Variants in FSTL4 observed in about 807,000 individuals in gnomAD.
FSTL4 encodes follistatin-related protein 4.
Under a neutral mutation model 78.2 loss-of-function variants are expected in FSTL4, and 28 were observed. That is an observed-to-expected ratio of 0.36 (90% confidence interval 0.27 to 0.49). FSTL4 has a LOEUF of 0.49. FSTL4 is among the 20% of genes least tolerant of loss of function. FSTL4 has a pLI of 0.98. For synonymous variants in FSTL4, 422 were observed against 440.5 expected, an observed-to-expected ratio of 0.96 and a Z score of 0.53; for missense variants, 922 against 1,084.9, an observed-to-expected ratio of 0.85 and a Z score of 2.11.
chr5:133,774,508 T>C, the FSTL4 span, among the ~76,000 whole-genome samples: 3 of 152,156 alleles, frequency 2.0e-5, no homozygotes, highest in Non-Finnish European at 2.9e-5. Flanking sequence ...TTAAGAAACA[T>C]TGTGCTAAGG....
At chr5:133,694,093 G>A in the FSTL4 span, among the ~76,000 whole-genome samples, 1 of 152,202 alleles carries the variant, frequency 6.6e-6, no homozygotes, top group South Asian at 2.1e-4. Context: ...AATTCTATGT[G>A]GAGGTGCAAA....
chr5:133,554,730 A>G (rs1759754715), intron 3 of FSTL4, among the ~76,000 whole-genome samples: 1 of 152,236 alleles, frequency 6.6e-6, no homozygotes. Flanking sequence ...GCATTCATTC[A>G]TTCATTCAAA....
chr5:133,595,045 T>G (rs533267423), intron 2 of FSTL4, among the ~76,000 whole-genome samples: 2 of 152,348 alleles, frequency 1.3e-5, no homozygotes, highest in South Asian at 4.1e-4. Flanking sequence ...AAACAAAGCA[T>G]CCTGCATTTG....
At chr5:133,810,472 G>A in the FSTL4 span, among the ~76,000 whole-genome samples, 472 of 152,268 alleles carry the variant, frequency 3.1e-3, 2 homozygotes, top group African/African-American at 0.011. Flanking sequence ...AAGGTCCATT[G>A]TCTCATGCCA....
the FSTL4 span, among the ~76,000 whole-genome samples, chr5:133,665,311 C>T: frequency 2.3e-3 from 357 of 152,308 alleles, no homozygotes; most frequent in Non-Finnish European, 3.4e-3. Context: ...GGCCATGTTC[C>T]ATGGTGACCA....
At chr5:133,457,147 T>G (rs900207492) in intron 3 of FSTL4, among the ~76,000 whole-genome samples, 2 of 152,030 alleles carry the variant, frequency 1.3e-5, no homozygotes, top group Non-Finnish European at 2.9e-5. Context: ...AAAAGAAAGC[T>G]AAGAGAAGGA....
chr5:133,406,219 G>A (rs2126975991), intron 3 of FSTL4, among the ~76,000 whole-genome samples: 1 of 152,326 alleles, frequency 6.6e-6, no homozygotes, highest in African/African-American at 2.4e-5. Flanking sequence ...AGAGAGTGGA[G>A]CACCCTTGGG....
chr5:133,841,384 C>A, the FSTL4 span, among the ~76,000 whole-genome samples: 2 of 152,220 alleles, frequency 1.3e-5, no homozygotes, highest in Non-Finnish European at 2.9e-5. Flanking sequence ...GGTATCACCG[C>A]ACCCAGCACC....
rs190162674 is a variant in FSTL4 at position 133,279,154 on chromosome 5, G to A, written c.728-29578C>T. Among the ~76,000 whole-genome samples, 213 of 152,340 alleles carry A rather than the reference G, an allele frequency of 1.4e-3. 1 individual carries two copies. The highest frequency in any genetic ancestry group is 4.9e-3 in the African/African-American group (204 of 41,580). ...CTGTACTCCTAGTGCCCTAGACCAG[G>A]GGTTCCCAATCTCTAGGCCGTGGAT... is the stretch of plus-strand genomic sequence containing the variant. On this transcript the variant is annotated intron_variant, in intron 6 of 15. Transcript: ENST00000265342.
chr5:133,528,143 G>GT (rs532373515), intron 3 of FSTL4, among the ~76,000 whole-genome samples: 236 of 152,244 alleles, frequency 1.6e-3, no homozygotes, highest in African/African-American at 5.2e-3. Flanking sequence ...TGCTGTTTCC[G>GT]TAACAATTTC....
intron 7 of FSTL4, among the ~76,000 whole-genome samples, chr5:133,248,979 AC>A (rs1265877324): frequency 6.6e-6 from 1 of 152,040 alleles, no homozygotes; most frequent in Non-Finnish European, 1.5e-5. Flanking sequence ...TCTACAGCCT[AC>A]CCAGCACTAG....
At chr5:133,546,324 G>A (rs1040284963) in intron 3 of FSTL4, among the ~76,000 whole-genome samples, 8 of 152,014 alleles carry the variant, frequency 5.3e-5, no homozygotes, top group Non-Finnish European at 8.8e-5. Flanking sequence ...CTGGCCACAC[G>A]GTGAAACCCC....
chr5:133,407,816 T>C (rs560223056), intron 3 of FSTL4, among the ~76,000 whole-genome samples: 52 of 152,354 alleles, frequency 3.4e-4, no homozygotes, highest in South Asian at 8.3e-4. Context: ...CAAAGCATAC[T>C]TTTCAAAAAC....
At chr5:133,284,037 C>T (rs926026869) in intron 6 of FSTL4, among the ~76,000 whole-genome samples, 2 of 152,208 alleles carry the variant, frequency 1.3e-5, no homozygotes, top group African/African-American at 2.4e-5. Context: ...GATCCAATCA[C>T]CTCCCATCAG....
intron 3 of FSTL4, among the ~76,000 whole-genome samples, chr5:133,528,583 C>G (rs1759184868): frequency 6.6e-6 from 1 of 152,162 alleles, no homozygotes; most frequent in Non-Finnish European, 1.5e-5. Context: ...ACATCCCTAG[C>G]ACCCAGGGCA....
the FSTL4 span, among the ~76,000 whole-genome samples, chr5:133,824,874 C>CCA: frequency 6.6e-6 from 1 of 152,040 alleles, no homozygotes; most frequent in Non-Finnish European, 1.5e-5. Context: ...TCCAGGACTC[C>CCA]CACCAAGACA....
intron 4 of FSTL4, among the ~76,000 whole-genome samples, chr5:133,363,287 T>C (rs773434950): frequency 2.0e-5 from 3 of 152,172 alleles, no homozygotes; most frequent in Non-Finnish European, 4.4e-5. Flanking sequence ...CACATTTCCA[T>C]GAGTGGGGGT....
intron 3 of FSTL4, among the ~76,000 whole-genome samples, chr5:133,512,550 A>T (rs17166740): frequency 0.026 from 3,956 of 152,308 alleles, 83 homozygotes; most frequent in Middle Eastern, 0.075. Flanking sequence ...TTTATAGTAC[A>T]TGTCCTTCAA....
At chr5:133,768,573 G>A in the FSTL4 span, among the ~76,000 whole-genome samples, 1 of 152,188 alleles carries the variant, frequency 6.6e-6, no homozygotes, top group Non-Finnish European at 1.5e-5. Context: ...ATACTTTGCA[G>A]AAAACTGTCA....
Sources: allele counts gnomAD v4.1 joint callset (sites outside exome capture counted in the v4.1 genomes callset), GRCh38; gene constraint gnomAD v4.1.1; transcripts MANE v1.5; gene names NCBI Gene and HGNC (gene_info 2026-07-23, HGNC 2026-07-21).